Variants in TXNRD2 observed in about 807,000 individuals in gnomAD.
TXNRD2 encodes thioredoxin reductase 2, mitochondrial.
A neutral mutation model predicts 70.8 loss-of-function variants in TXNRD2; 67 were observed. That is an observed-to-expected ratio of 0.95 (90% CI 0.78 to 1.16). The LOEUF (loss-of-function observed/expected upper bound fraction) is 1.16. Among genes scored for constraint, TXNRD2 ranks in the 50% most tolerant of loss-of-function variants. The pLI, the probability that TXNRD2 is intolerant of heterozygous loss-of-function variation, is 0.00. For synonymous variants in TXNRD2, 301 were observed against 295.8 expected, an observed-to-expected ratio of 1.02 and a Z score of -0.18; for missense variants, 644 against 719.9, an observed-to-expected ratio of 0.89 and a Z score of 1.21.
rs544750242 is a variant in TXNRD2 at position 19,891,965 on chromosome 22, C to A, written c.949+3442G>T. On this transcript the variant is annotated intron_variant, in intron 11 of 17. Coordinates refer to ENST00000400521, the MANE Select transcript of TXNRD2 (RefSeq NM_006440.5). ...ATGGTCCTCGCCAGCTGCGGCCAGG[C>A]GCCAGGCACACGGGCAACGGGCAGG... Among the ~76,000 whole-genome samples the A allele has an allele frequency of 2.0e-5, 3 of 152,364 alleles. No individual in the cohort carries two copies. In the East Asian group the frequency reaches 5.8e-4, roughly 29 times the overall value.
At chr22:19,911,087 A>C in intron 8 of TXNRD2, 1 of 362,328 alleles carries the variant, frequency 2.8e-6, no homozygotes, top group Non-Finnish European at 5.1e-6. Context: ...AAAAAAAGCC[A>C]AAAAAAAAAC....
intron 2 of TXNRD2, among the ~76,000 whole-genome samples, chr22:19,923,674 C>A (rs1281193930): frequency 6.6e-6 from 1 of 151,950 alleles, no homozygotes; most frequent in Non-Finnish European, 1.5e-5. Context: ...TGGTGGTGGG[C>A]GCCTGTAATC....
At chr22:19,932,630 G>C in intron 1 of TXNRD2, 1 of 1,381,098 alleles carries the variant, frequency 7.2e-7, no homozygotes, top group Non-Finnish European at 9.5e-7. Flanking sequence ...GTCTGCTGGG[G>C]TGAGGGCAGG....
At chr22:19,891,002 T>C (rs1177847844) in intron 11 of TXNRD2, among the ~76,000 whole-genome samples, 1 of 152,134 alleles carries the variant, frequency 6.6e-6, no homozygotes, top group African/African-American at 2.4e-5. Context: ...TGGGGGAGAC[T>C]ATACAGGGGC....
At chr22:19,932,413 G>A (rs755494513) in intron 1 of TXNRD2, 13 of 1,612,464 alleles carry the variant, frequency 8.1e-6, no homozygotes, top group South Asian at 1.1e-5. Flanking sequence ...TTTTTAGCCT[G>A]CAAAAGGTGT....
Position 19,878,019 on chromosome 22 carries a change from T to C in TXNRD2, c.1445+71A>G. 4 of 1,319,158 alleles carry C rather than the reference T, an allele frequency of 3.0e-6. No homozygotes were observed. The Admixed American group carries it at 5.6e-5, about 19-fold the overall frequency. The allele number at this position is 1,319,158 out of a possible 1,614,324, so 81.7% of individuals were successfully genotyped here. ...CGCAAGAGTGGCAGCAGCTCTCCAC[T>C]GTAGGACTGCCGGCACTCGAGGGAT... On this transcript the variant is annotated intron_variant, in intron 16 of 17. Transcript: ENST00000400521.
At chr22:19,911,192 T>C (rs1286000402) in intron 8 of TXNRD2, 185 bp downstream of exon 8, 1 of 691,856 alleles carries the variant, frequency 1.4e-6, no homozygotes, top group Admixed American at 2.0e-5. Flanking sequence ...CCGCTCAGTC[T>C]CCCAAAGTGC....
intron 11 of TXNRD2, chr22:19,891,561 G>C (rs1198933883): frequency 6.6e-6 from 1 of 152,412 alleles, no homozygotes; most frequent in Non-Finnish European, 1.5e-5. Flanking sequence ...CCCCTGCACT[G>C]GGAGGCGTTT....
intron 1 of TXNRD2, 59 bp from the exon 2 acceptor site, chr22:19,931,157 T>C (rs1342531662): frequency 2.0e-6 from 3 of 1,500,782 alleles, no homozygotes; most frequent in Admixed American, 1.7e-5. Context: ...TGGTACAGGA[T>C]CAATTTTATC....
At chr22:19,922,592 G>A (rs749365525) in intron 2 of TXNRD2, among the ~76,000 whole-genome samples, 6 of 152,126 alleles carry the variant, frequency 3.9e-5, no homozygotes, top group Non-Finnish European at 7.4e-5. Context: ...TCTCTCCTTC[G>A]ACTCCAGGGT....
intron 2 of TXNRD2, among the ~76,000 whole-genome samples, chr22:19,930,193 G>A (rs917007462): frequency 6.6e-6 from 1 of 152,134 alleles, no homozygotes; most frequent in South Asian, 2.1e-4. Flanking sequence ...CAAGAGTAGT[G>A]GATTTCTTTT....
At chr22:19,923,844 C>CTTTTT (rs34120716) in intron 2 of TXNRD2, among the ~76,000 whole-genome samples, 1 of 78,114 alleles carries the variant, frequency 1.3e-5, no homozygotes, top group Non-Finnish European at 2.3e-5. Flanking sequence ...ACCCCTGAGG[C>CTTTTT]TTTTTTTTTT....
At chr22:19,933,313 G>C (rs1386861179) in intron 1 of TXNRD2, 2 of 516,590 alleles carry the variant, frequency 3.9e-6, no homozygotes, top group African/African-American at 2.0e-5. Context: ...AGAGAACCAA[G>C]GACTGCTGGT....
chr22:19,940,802 G>A (rs45478499), intron 1 of TXNRD2, among the ~76,000 whole-genome samples: 1,560 of 152,238 alleles, frequency 0.01, 14 homozygotes, highest in African/African-American at 0.035. Flanking sequence ...AGGCCACGAG[G>A]TGGTGACTGC....
intron 11 of TXNRD2, among the ~76,000 whole-genome samples, chr22:19,893,394 C>G (rs1311530352): frequency 1.3e-5 from 2 of 152,244 alleles, no homozygotes; most frequent in Non-Finnish European, 2.9e-5. Flanking sequence ...ACTAGACGGC[C>G]AGGCACCGAG....
chr22:19,933,483 T>A (rs1378055389), intron 1 of TXNRD2: 1 of 1,289,544 alleles, frequency 7.8e-7, no homozygotes, highest in African/African-American at 1.5e-5. Flanking sequence ...GGGCCCTTGT[T>A]AGGTCATCCT....
intron 11 of TXNRD2, chr22:19,895,086 A>G (rs1939437433): frequency 6.3e-7 from 1 of 1,596,998 alleles, no homozygotes; most frequent in African/African-American, 1.3e-5. Context: ...GAAGGCGAGG[A>G]TGATTGCCTA....
intron 11 of TXNRD2, among the ~76,000 whole-genome samples, chr22:19,886,221 C>T (rs963651935): frequency 2.0e-5 from 3 of 152,218 alleles, no homozygotes; most frequent in Non-Finnish European, 4.4e-5. Context: ...GCTGGTGGGA[C>T]GTGGCTGGGA....
At chr22:19,920,597 G>GA (rs3081735) in intron 2 of TXNRD2, among the ~76,000 whole-genome samples, 1,794 of 134,766 alleles carry the variant, frequency 0.013, 8 homozygotes, top group African/African-American at 0.014. Flanking sequence ...AAGAAAGAAA[G>GA]AAAAAAAAAA....
Sources: gnomAD v4.1 joint callset for allele counts (sites outside exome capture counted in the v4.1 genomes callset) on GRCh38, gnomAD v4.1.1 for gene constraint, MANE v1.5 for transcripts, NCBI Gene and HGNC (gene_info 2026-07-23, HGNC 2026-07-21) for gene names.